ROBO2: variants seen among roughly 807,000 people sequenced by gnomAD.
The protein encoded by ROBO2 is roundabout homolog 2.
A neutral mutation model predicts 160.8 loss-of-function variants in ROBO2; 53 were observed. That is an observed-to-expected ratio of 0.33 (90% CI 0.26 to 0.41). ROBO2 has a LOEUF of 0.41. Ranked by LOEUF, ROBO2 falls within the 10% of genes least tolerant of loss-of-function variation. The pLI, the probability that ROBO2 is intolerant of heterozygous loss-of-function variation, is 1.00. For synonymous variants in ROBO2, 664 were observed against 611.7 expected, an observed-to-expected ratio of 1.09 and a Z score of -1.26; for missense variants, 1,577 against 1,722.4, an observed-to-expected ratio of 0.92 and a Z score of 1.49.
intron 17 of ROBO2, among the ~76,000 whole-genome samples, chr3:77,590,883 C>T (rs2094164322): frequency 6.6e-6 from 1 of 151,924 alleles, no homozygotes; most frequent in Admixed American, 6.6e-5. Flanking sequence ...AGTGCATTTC[C>T]TGTTACAATT....
chr3:76,123,263 A>G (rs1328156911), intron 2 of ROBO2, among the ~76,000 whole-genome samples: 5 of 152,142 alleles, frequency 3.3e-5, no homozygotes, highest in South Asian at 2.1e-4. Flanking sequence ...TTTTCCGTGT[A>G]TTTTTCCCTA....
At chr3:76,223,040 C>A (rs9838661) in intron 2 of ROBO2, among the ~76,000 whole-genome samples, 15,545 of 151,722 alleles carry the variant, frequency 0.1, 1,008 homozygotes, top group African/African-American at 0.18. Context: ...CAGGCATGCG[C>A]CACCGCACGC....
At chr3:76,880,626 A>G (rs2073240266) in intron 2 of ROBO2, among the ~76,000 whole-genome samples, 1 of 152,184 alleles carries the variant, frequency 6.6e-6, no homozygotes, top group Admixed American at 6.5e-5. Flanking sequence ...GAATTTAGAC[A>G]TGATTTTAAT....
At chr3:76,791,746 G>A (rs1044430538) in intron 2 of ROBO2, among the ~76,000 whole-genome samples, 2 of 151,642 alleles carry the variant, frequency 1.3e-5, no homozygotes, top group African/African-American at 2.4e-5. Context: ...TAAATTTGGG[G>A]TGCAATCAGC....
At chr3:76,834,858 G>A (rs2067538085) in intron 2 of ROBO2, among the ~76,000 whole-genome samples, 1 of 151,998 alleles carries the variant, frequency 6.6e-6, no homozygotes, top group Non-Finnish European at 1.5e-5. Flanking sequence ...AAATTCTTGA[G>A]GCAACCCAAT....
At chr3:76,416,108 T>G (rs962134230) in intron 2 of ROBO2, among the ~76,000 whole-genome samples, 3 of 152,124 alleles carry the variant, frequency 2.0e-5, no homozygotes, top group Non-Finnish European at 4.4e-5. Flanking sequence ...TTTTTTCCAT[T>G]CTGAAAACAC....
At chr3:76,037,713 G>T (rs557745236) in intron 2 of ROBO2, among the ~76,000 whole-genome samples, 17 of 152,044 alleles carry the variant, frequency 1.1e-4, no homozygotes, top group Admixed American at 3.3e-4. Flanking sequence ...CAGTCAAACA[G>T]GAGAAAAATA....
At chr3:75,991,140 C>G (rs1256238772) in intron 2 of ROBO2, among the ~76,000 whole-genome samples, 1 of 152,056 alleles carries the variant, frequency 6.6e-6, no homozygotes, top group Non-Finnish European at 1.5e-5. Flanking sequence ...GAGCCAAGTC[C>G]CATAATAAAT....
intron 2 of ROBO2, among the ~76,000 whole-genome samples, chr3:76,255,727 TTCTC>T (rs1553689176): frequency 6.6e-6 from 1 of 152,116 alleles, no homozygotes; most frequent in Non-Finnish European, 1.5e-5. Context: ...ATTTTACTCT[TTCTC>T]TCGGTTTTAT....
At chr3:76,917,790 A>C (rs1186865579) in intron 2 of ROBO2, among the ~76,000 whole-genome samples, 4 of 152,210 alleles carry the variant, frequency 2.6e-5, no homozygotes, top group Non-Finnish European at 4.4e-5. Flanking sequence ...TTATTCTAAA[A>C]AAAAATGGTT....
At chr3:77,087,215 C>T (rs375451464) in intron 1 of ROBO2, among the ~76,000 whole-genome samples, 2 of 152,078 alleles carry the variant, frequency 1.3e-5, no homozygotes, top group South Asian at 2.1e-4. Context: ...CACTCATAGT[C>T]TTCATTAAAT....
At chr3:77,309,178 T>C (rs1250429171) in intron 2 of ROBO2, among the ~76,000 whole-genome samples, 1 of 152,186 alleles carries the variant, frequency 6.6e-6, no homozygotes, top group Non-Finnish European at 1.5e-5. Context: ...TTATTTTCCT[T>C]TTCCTTTACT....
At chr3:77,175,109 C>T (rs1463300213) in intron 2 of ROBO2, among the ~76,000 whole-genome samples, 1 of 152,014 alleles carries the variant, frequency 6.6e-6, no homozygotes, top group African/African-American at 2.4e-5. Context: ...TTACTATTCT[C>T]ATTCTGCCGA....
chr3:76,360,049 C>G (rs1403710302), intron 2 of ROBO2, among the ~76,000 whole-genome samples: 1 of 151,966 alleles, frequency 6.6e-6, no homozygotes, highest in African/African-American at 2.4e-5. Flanking sequence ...CACCCATGAC[C>G]AGCGTAGTTC....
chr3:76,987,337 A>T (rs952564045), intron 2 of ROBO2, among the ~76,000 whole-genome samples: 1 of 152,120 alleles, frequency 6.6e-6, no homozygotes, highest in Non-Finnish European at 1.5e-5. Flanking sequence ...TTTCAGTTCC[A>T]CACTGCCGTG....
chr3:77,444,306 G>A lies in ROBO2; in HGVS notation c.389-33108G>A, dbSNP rs981320305. Among the ~76,000 whole-genome samples the A allele has an allele frequency of 1.3e-4, 20 of 151,960 alleles. 1 individual carries two copies. Among genetic ancestry groups the A allele is most frequent in the Non-Finnish European group, 2.4e-4 (16 of 68,008 alleles). Reference sequence around the variant, plus strand: ...TTTAAGGGAATATAAACTTTTTATCGTGCCTGATATATTTGAGTATATAAT... The same window carrying A: ...TTTAAGGGAATATAAACTTTTTATCATGCCTGATATATTTGAGTATATAAT... On this transcript the variant is annotated intron_variant, in intron 2 of 25. Coordinates refer to ENST00000461745, the Ensembl canonical transcript of ROBO2.
chr3:75,944,112 G>A (rs2875339), intron 2 of ROBO2, among the ~76,000 whole-genome samples: 76,781 of 151,804 alleles, frequency 0.51, 19,692 homozygotes, highest in African/African-American at 0.59. Flanking sequence ...AGTAGGAATA[G>A]AATGGCAGAA....
At chr3:77,226,297 T>C (rs1321922133) in intron 2 of ROBO2, among the ~76,000 whole-genome samples, 2 of 148,268 alleles carry the variant, frequency 1.3e-5, no homozygotes, top group East Asian at 4.0e-4. Flanking sequence ...ATTTATGTCC[T>C]TTTTTTTTTC....
rs2061351123 is a variant in ROBO2, at chr3:77,001,866, T to G, written c.110-96148T>G. Reference sequence around the variant, plus strand: ...TGTGTGTGACCATCTGCTTAGAATGTGAGCTGATCAATGTGAAGGATCCTA... The same window carrying G: ...TGTGTGTGACCATCTGCTTAGAATGGGAGCTGATCAATGTGAAGGATCCTA... On this transcript the variant is annotated intron_variant, in intron 2 of 26. Coordinates refer to the ROBO2 transcript ENST00000487694. 2.0e-5 allele frequency among the ~76,000 whole-genome samples: 3 copies of G among 152,190 alleles called. No individual in the cohort carries two copies. In the South Asian group the frequency reaches 6.2e-4, roughly 31 times the overall value.
Sources: gnomAD v4.1 joint callset for allele counts (sites outside exome capture counted in the v4.1 genomes callset) on GRCh38, gnomAD v4.1.1 for gene constraint, MANE v1.5 for transcripts, NCBI Gene and HGNC (gene_info 2026-07-23, HGNC 2026-07-21) for gene names.